The following PLCB1 variants were observed in gnomAD, a reference collection of about 807,000 sequenced individuals.
PLCB1 encodes phospholipase C beta 1.
A neutral mutation model predicts 161.8 loss-of-function variants in PLCB1; 46 were observed. The observed-to-expected ratio is 0.28, with a 90% confidence interval of 0.22 to 0.36. PLCB1 has a LOEUF of 0.36. PLCB1 is among the 10% of genes least tolerant of loss of function. The pLI is 1.00. For synonymous variants in PLCB1, 517 were observed against 503.7 expected, an observed-to-expected ratio of 1.03 and a Z score of -0.35; for missense variants, 1,016 against 1,472.5, an observed-to-expected ratio of 0.69 and a Z score of 5.07.
At chr20:8,802,082 G>A (rs368188429) in intron 31 of PLCB1, 58 of 1,611,460 alleles carry the variant, frequency 3.6e-5, no homozygotes, top group South Asian at 4.4e-5. Context: ...CATTCTTGTC[G>A]GAAACTTGCC....
At chr20:8,815,669 C>T (rs1163488930) in intron 31 of PLCB1, among the ~76,000 whole-genome samples, 4 of 152,154 alleles carry the variant, frequency 2.6e-5, no homozygotes, top group East Asian at 3.8e-4. Context: ...ACCTCAAACC[C>T]GACCACTCTC....
Position 8,264,234 on chromosome 20 carries a change from A to T in PLCB1, c.178-107148A>T, listed in dbSNP as rs142526113. Among the ~76,000 whole-genome samples the T allele has an allele frequency of 4.1e-4, 63 of 152,242 alleles. 2 individuals carry two copies. In the East Asian group the frequency reaches 0.012, roughly 29 times the overall value. ...AGACAGAGTCAGCATCATCAATATCACTATCTTCCACTTCCACATCTTGTC... is the reference window on the plus strand; with the variant it reads ...AGACAGAGTCAGCATCATCAATATCTCTATCTTCCACTTCCACATCTTGTC... On this transcript the variant is annotated intron_variant, in intron 2 of 31. Transcript: ENST00000338037.
At chr20:8,292,318 G>A (rs1170666973) in intron 2 of PLCB1, among the ~76,000 whole-genome samples, 2 of 152,008 alleles carry the variant, frequency 1.3e-5, no homozygotes, top group Non-Finnish European at 2.9e-5. Context: ...TCTGGTAATA[G>A]GCTTATTTGT....
At chr20:8,365,222 G>A (rs1446726646) in intron 2 of PLCB1, among the ~76,000 whole-genome samples, 1 of 152,188 alleles carries the variant, frequency 6.6e-6, no homozygotes, top group Non-Finnish European at 1.5e-5. Context: ...GTAGCAACTT[G>A]TTTAATGCTA....
chr20:8,824,168 C>T (rs1162447261), intron 31 of PLCB1, among the ~76,000 whole-genome samples: 1 of 152,102 alleles, frequency 6.6e-6, no homozygotes, highest in Non-Finnish European at 1.5e-5. Flanking sequence ...TATTAGACTG[C>T]AGATTGTTGG....
At position 8,340,505 on chromosome 20, in the gene PLCB1, C is replaced by T. The variant is rs377215354; in HGVS notation, c.178-30877C>T. 7.9e-5 allele frequency among the ~76,000 whole-genome samples: 12 copies of T among 152,102 alleles called. No homozygotes were observed. In the East Asian group the frequency reaches 2.1e-3, roughly 27 times the overall value. ...TGGCGCGATCTCGGCTCACTGCAAG[C>T]TCCGCCTCCCGGGTTCACGCCATTC... is the stretch of plus-strand genomic sequence containing the variant. On this transcript the variant is annotated intron_variant, in intron 2 of 31. Transcript: ENST00000338037.
chr20:8,815,784 T>A (rs1985059835), intron 31 of PLCB1, among the ~76,000 whole-genome samples: 1 of 152,202 alleles, frequency 6.6e-6, no homozygotes, highest in African/African-American at 2.4e-5. Flanking sequence ...ATTGAAAACA[T>A]AGAGAAGAAT....
intron 26 of PLCB1, among the ~76,000 whole-genome samples, chr20:8,770,354 C>T (rs913814955): frequency 7.2e-5 from 11 of 152,236 alleles, no homozygotes; most frequent in Admixed American, 7.2e-4. Context: ...TTACCATTTA[C>T]CTGTAGTTAC....
intron 2 of PLCB1, among the ~76,000 whole-genome samples, chr20:8,362,231 A>G (rs1238171803): frequency 6.6e-6 from 1 of 152,226 alleles, no homozygotes; most frequent in Admixed American, 6.5e-5. Flanking sequence ...TTAAATATAT[A>G]TAGATTATCC....
chr20:8,420,272 A>C (rs1979483959), intron 3 of PLCB1, among the ~76,000 whole-genome samples: 2 of 152,194 alleles, frequency 1.3e-5, no homozygotes, highest in African/African-American at 4.8e-5. Flanking sequence ...CACATCTAGC[A>C]AACTGCTCCT....
chr20:8,636,811 A>G (rs2123249893), intron 4 of PLCB1, among the ~76,000 whole-genome samples: 1 of 152,326 alleles, frequency 6.6e-6, no homozygotes, highest in Non-Finnish European at 1.5e-5. Context: ...GTGATTTCAG[A>G]CTGTGGGTTA....
At chr20:8,340,096 T>G (rs1985743372) in intron 2 of PLCB1, among the ~76,000 whole-genome samples, 1 of 152,200 alleles carries the variant, frequency 6.6e-6, no homozygotes, top group South Asian at 2.1e-4. Flanking sequence ...ACTTCCTACA[T>G]ATGATTGGTT....
At chr20:8,767,015 G>A (rs1982353280) in intron 26 of PLCB1, among the ~76,000 whole-genome samples, 1 of 152,102 alleles carries the variant, frequency 6.6e-6, no homozygotes, top group African/African-American at 2.4e-5. Flanking sequence ...AAAATATGGG[G>A]TCAGAGGCCT....
chr20:8,205,996 T>TTTTTTTTTTTTTTTTTTTTTTGAGA (rs1220936581), intron 2 of PLCB1, among the ~76,000 whole-genome samples: 1 of 152,158 alleles, frequency 6.6e-6, no homozygotes, highest in African/African-American at 2.4e-5. Flanking sequence ...GTTTATTTTT[T>TTTTTTTTTTTTTTTTTTTTTTGAGA]CCAATAAAAA....
chr20:8,547,232 C>T (rs962946042), intron 3 of PLCB1, among the ~76,000 whole-genome samples: 15 of 152,176 alleles, frequency 9.9e-5, no homozygotes, highest in Admixed American at 3.9e-4. Flanking sequence ...TCTTACGGCT[C>T]GCTCTAATGT....
chr20:8,354,018 TAA>T (rs796265064), intron 2 of PLCB1, among the ~76,000 whole-genome samples: 9 of 139,468 alleles, frequency 6.5e-5, no homozygotes, highest in Admixed American at 2.1e-4. Flanking sequence ...GAAGGCTATT[TAA>T]AAAAAAAAAA....
chr20:8,704,903 C>T (rs1274567306), intron 11 of PLCB1, among the ~76,000 whole-genome samples: 2 of 151,570 alleles, frequency 1.3e-5, no homozygotes, highest in Non-Finnish European at 2.9e-5. Context: ...AGCTGCAGTC[C>T]AAGTCCAAGT....
chr20:8,533,118 G>GT (rs1276549107), intron 3 of PLCB1, among the ~76,000 whole-genome samples: 1 of 151,322 alleles, frequency 6.6e-6, no homozygotes, highest in Non-Finnish European at 1.5e-5. Context: ...GCGGTGTTTG[G>GT]TTTTTTGTCC....
chr20:8,750,035 C>T (rs941689140), intron 23 of PLCB1, among the ~76,000 whole-genome samples: 3 of 152,108 alleles, frequency 2.0e-5, no homozygotes, highest in African/African-American at 7.2e-5. Context: ...AAATCAGATG[C>T]TCTCATAGCC....
Sources: gnomAD v4.1 joint callset for allele counts (sites outside exome capture counted in the v4.1 genomes callset) on GRCh38, gnomAD v4.1.1 for gene constraint, MANE v1.5 for transcripts, NCBI Gene and HGNC (gene_info 2026-07-23, HGNC 2026-07-21) for gene names.